Variants in DAO observed in about 807,000 individuals in gnomAD.
DAO encodes the protein D-amino acid oxidase.
In DAO, 51 loss-of-function variants were observed where a neutral mutation model predicts 50.1. That is an observed-to-expected ratio of 1.02 (90% confidence interval 0.81 to 1.29). The LOEUF (loss-of-function observed/expected upper bound fraction) is 1.29. DAO is among the 50% of genes most tolerant of loss of function. The pLI is 0.00. For synonymous variants in DAO, 160 were observed against 166.2 expected, an observed-to-expected ratio of 0.96 and a Z score of 0.29; for missense variants, 436 against 439.4, an observed-to-expected ratio of 0.99 and a Z score of 0.07.
At chr12:108,891,128 A>G (rs557369970) in intron 5 of DAO, among the ~76,000 whole-genome samples, 2 of 152,162 alleles carry the variant, frequency 1.3e-5, no homozygotes, top group Admixed American at 6.5e-5. Flanking sequence ...GCCTGATTCC[A>G]TACATTTTTT....
intron 1 of DAO, among the ~76,000 whole-genome samples, chr12:108,881,350 C>T (rs1165101330): frequency 2.0e-5 from 3 of 151,898 alleles, no homozygotes; most frequent in South Asian, 2.1e-4. Context: ...GAGCTGGGTG[C>T]GTTTAAGTCC....
At chr12:108,880,652 C>T (rs773789083) in intron 1 of DAO, among the ~76,000 whole-genome samples, 2 of 148,208 alleles carry the variant, frequency 1.3e-5, no homozygotes, top group African/African-American at 5.3e-5. Flanking sequence ...GAGAAGTAGC[C>T]GTGTGGTGCA....
At chr12:108,887,611 G>T (rs1368569792) in intron 3 of DAO, 47 bp downstream of exon 3, 3 of 1,382,976 alleles carry the variant, frequency 2.2e-6, no homozygotes, top group South Asian at 2.3e-5. Flanking sequence ...CCAGGGCTGG[G>T]GTAGTGAGGG....
intron 1 of DAO, among the ~76,000 whole-genome samples, chr12:108,884,623 C>G (rs2039414163): frequency 6.6e-6 from 1 of 152,158 alleles, no homozygotes; most frequent in Non-Finnish European, 1.5e-5. Flanking sequence ...GGTGGCAGAG[C>G]TGAGTCCTGA....
intron 7 of DAO, among the ~76,000 whole-genome samples, chr12:108,896,444 T>TAAAAAAAAAAAAAAAG (rs2039558339): frequency 1.7e-5 from 2 of 119,716 alleles, no homozygotes; most frequent in African/African-American, 6.8e-5. Context: ...AAAAAAAAAT[T>TAAAAAAAAAAAAAAAG]GAAGGTTTGA....
intron 9 of DAO, among the ~76,000 whole-genome samples, 192 bp from the exon 10 acceptor site, chr12:108,899,185 G>C (rs956366733): frequency 2.0e-5 from 3 of 152,204 alleles, no homozygotes; most frequent in Admixed American, 6.5e-5. Context: ...TTGGTGGAAA[G>C]GTGGAAGCAG....
chr12:108,882,550 C>T (rs1436562160), intron 1 of DAO, among the ~76,000 whole-genome samples: 1 of 151,924 alleles, frequency 6.6e-6, no homozygotes, highest in Admixed American at 6.6e-5. Flanking sequence ...AACTGAGGTT[C>T]GATTAGGATT....
At chr12:108,900,237 CA>C in intron 10 of DAO, 166 bp from the exon 11 acceptor site, 1 of 750,244 alleles carries the variant, frequency 1.3e-6, no homozygotes, top group Non-Finnish European at 2.2e-6. Flanking sequence ...GCAACTGTTC[CA>C]GGGGGTCCCC....
intron 10 of DAO, 105 bp downstream of exon 10, chr12:108,899,580 A>C: frequency 1.0e-6 from 1 of 997,850 alleles, no homozygotes; most frequent in Non-Finnish European, 1.5e-6. Context: ...CACAGGCTCC[A>C]TAGCAGGCAG....
At chr12:108,880,302 T>C in intron 1 of DAO, 78 bp downstream of exon 1, 1 of 366,606 alleles carries the variant, frequency 2.7e-6, no homozygotes, top group Non-Finnish European at 5.5e-6. Flanking sequence ...GTCCTCCCAA[T>C]GTCAAAGACA....
At chr12:108,892,487 G>T (rs918689464) in intron 5 of DAO, among the ~76,000 whole-genome samples, 1 of 152,034 alleles carries the variant, frequency 6.6e-6, no homozygotes, top group East Asian at 1.9e-4. Flanking sequence ...ATTTCTAATC[G>T]TGATAGATGT....
intron 4 of DAO, 57 bp downstream of exon 4, chr12:108,889,602 CCAGAAGG>C (rs1481788241): frequency 9.4e-6 from 13 of 1,379,308 alleles, no homozygotes; most frequent in Non-Finnish European, 1.2e-5. Flanking sequence ...GCAGACCTGT[CCAGAAGG>C]CAGCAGAGGG....
rs146127928 is a variant in DAO at position 108,883,775 on chromosome 12, C to T, written c.-9-1223C>T. 3.4e-4 allele frequency: 129 copies of T among 377,738 alleles called. 1 individual carries two copies. The highest frequency in any genetic ancestry group is 2.4e-4 in the Non-Finnish European group (45 of 184,448). The allele number at this position is 377,738 out of a possible 1,614,324, so 23.4% of individuals were successfully genotyped here. A position where few individuals can be genotyped will look rare whatever the true frequency, so the allele number is the denominator to read the frequency against. On this transcript the variant is annotated intron_variant, in intron 1 of 10. Transcript: ENST00000228476. Reference sequence around the variant, plus strand: ...CTGGAAGGAGAATTGCCTAGAGGAACGATACCTTTCTGTTTGTTGGTTCTA... The same window carrying T: ...CTGGAAGGAGAATTGCCTAGAGGAATGATACCTTTCTGTTTGTTGGTTCTA...
At chr12:108,880,431 C>G (rs1474859603) in intron 1 of DAO, 1 of 307,216 alleles carries the variant, frequency 3.3e-6, no homozygotes, top group East Asian at 8.1e-5. Flanking sequence ...GTTTCTTCAC[C>G]TGGAACATGG....
At chr12:108,880,344 A>G (rs2039363478) in intron 1 of DAO, 120 bp downstream of exon 1, 3 of 341,758 alleles carry the variant, frequency 8.8e-6, no homozygotes, top group Non-Finnish European at 1.7e-5. Flanking sequence ...GGCAGGTGAC[A>G]GGAAAGGAGA....
At chr12:108,883,393 G>A (rs980270021) in intron 1 of DAO, among the ~76,000 whole-genome samples, 1 of 152,162 alleles carries the variant, frequency 6.6e-6, no homozygotes, top group East Asian at 1.9e-4. Flanking sequence ...TGATCCACCC[G>A]CCTCGGCCTC....
In DAO at chr12:108,890,996, T is replaced by G. The variant is rs564374333; in HGVS notation, c.452+723T>G. 6.6e-5 allele frequency among the ~76,000 whole-genome samples: 10 copies of G among 152,292 alleles called. No homozygotes were observed. In the East Asian group the frequency reaches 1.3e-3, roughly 21 times the overall value. On this transcript the variant is annotated intron_variant, in intron 5 of 10. Coordinates refer to ENST00000228476, the MANE Select transcript of DAO (RefSeq NM_001917.5). ...ACCACCACACCTGGCTAATTTTTTG[T>G]ATTTTTAGTAGAGATGGGTTTTCAC...
At chr12:108,888,279 C>A (rs1417520490) in intron 3 of DAO, among the ~76,000 whole-genome samples, 3 of 152,140 alleles carry the variant, frequency 2.0e-5, no homozygotes, top group South Asian at 2.1e-4. Context: ...TTCATTCAAC[C>A]TTTGGCACTG....
intron 1 of DAO, chr12:108,883,593 C>T: frequency 2.2e-6 from 1 of 456,264 alleles, no homozygotes; most frequent in South Asian, 1.5e-5. Context: ...TTATTTAATC[C>T]TTAAAATGAC....
Sources: gnomAD v4.1 joint callset for allele counts (sites outside exome capture counted in the v4.1 genomes callset) on GRCh38, gnomAD v4.1.1 for gene constraint, MANE v1.5 for transcripts, NCBI Gene and HGNC (gene_info 2026-07-23, HGNC 2026-07-21) for gene names.